MAD1L1: variants seen among roughly 807,000 people sequenced by gnomAD.
The protein encoded by MAD1L1 is mitotic arrest deficient 1 like 1, also known as mitotic spindle assembly checkpoint protein MAD1.
Under a neutral mutation model 96.9 loss-of-function variants are expected in MAD1L1, and 95 were observed. The ratio of observed to expected loss-of-function variants is 0.98; its 90% CI spans 0.83 to 1.16. MAD1L1 has a LOEUF of 1.16. Among genes scored for constraint, MAD1L1 ranks in the 50% most tolerant of loss-of-function variants. The probability of loss-of-function intolerance (pLI) is 0.00; values close to 1 mark genes in which losing one functional copy is unlikely to be tolerated. For synonymous variants in MAD1L1, 473 were observed against 396.6 expected (o/e 1.19, Z -2.29); for missense variants, 1,007 against 954.4 (o/e 1.06, Z -0.73).
chr7:2,042,896 TC>T, intron 12 of MAD1L1, among the ~76,000 whole-genome samples: 1 of 146,014 alleles, frequency 6.8e-6, no homozygotes, highest in South Asian at 2.1e-4. Context: ...CACGTCCACG[TC>T]CACGTCCACA....
At chr7:2,038,462 C>T (rs921261016) in intron 12 of MAD1L1, among the ~76,000 whole-genome samples, 2 of 143,422 alleles carry the variant, frequency 1.4e-5, no homozygotes, top group Non-Finnish European at 3.0e-5. Context: ...TTTCAGAGGA[C>T]AAGCTGATGC....
At chr7:2,081,435 G>A (rs150632518) in intron 11 of MAD1L1, among the ~76,000 whole-genome samples, 18 of 152,346 alleles carry the variant, frequency 1.2e-4, no homozygotes, top group Admixed American at 9.8e-4. Flanking sequence ...GCCATCGTGC[G>A]ACCCGGGAAA....
At chr7:1,941,248 A>G (rs1023019238) in intron 16 of MAD1L1, among the ~76,000 whole-genome samples, 1 of 152,084 alleles carries the variant, frequency 6.6e-6, no homozygotes, top group Non-Finnish European at 1.5e-5. Context: ...GCAACGTTCA[A>G]CGTTCCACGG....
chr7:1,826,929 C>T (rs549076877), intron 18 of MAD1L1, among the ~76,000 whole-genome samples: 202 of 152,234 alleles, frequency 1.3e-3, no homozygotes, highest in African/African-American at 4.3e-3. Context: ...GGCCAGGCAC[C>T]CCAGCAGTCG....
Position 2,223,808 on chromosome 7 carries a change from G to A in MAD1L1, c.292-1054C>T, listed in dbSNP as rs113109069. Among the ~76,000 whole-genome samples, 8 of 152,032 alleles carry A rather than the reference G, an allele frequency of 5.3e-5. 1 individual carries two copies. The highest frequency in any genetic ancestry group is 1.9e-4 in the African/African-American group (8 of 41,402). On this transcript the variant is annotated intron_variant, in intron 4 of 18. Coordinates refer to ENST00000265854, the MANE Select transcript of MAD1L1 (RefSeq NM_001013836.2). ...TGCCAGTCCCAGCGCAGACAGGGCA[G>A]CCAGCAGGTCTTTGGACTTCAGACA...
chr7:1,881,262 G>A (rs1189666277), intron 18 of MAD1L1, among the ~76,000 whole-genome samples: 1 of 152,060 alleles, frequency 6.6e-6, no homozygotes, highest in East Asian at 1.9e-4. Context: ...ACCCATTTAT[G>A]CCTAGTGTTC....
intron 12 of MAD1L1, among the ~76,000 whole-genome samples, chr7:2,047,874 C>T (rs1482712727): frequency 3.9e-5 from 6 of 152,120 alleles, no homozygotes; most frequent in Non-Finnish European, 7.4e-5. Flanking sequence ...CACGTGCACA[C>T]AGCTCACCAG....
At chr7:1,916,364 G>A (rs150906281) in intron 17 of MAD1L1, among the ~76,000 whole-genome samples, 2,245 of 152,300 alleles carry the variant, frequency 0.015, 51 homozygotes, top group African/African-American at 0.051. Flanking sequence ...CCACCCAGAC[G>A]TCCCTCAGCT....
intron 18 of MAD1L1, among the ~76,000 whole-genome samples, chr7:1,836,059 C>A (rs1183042897): frequency 6.6e-6 from 1 of 152,116 alleles, no homozygotes; most frequent in Non-Finnish European, 1.5e-5. Context: ...TCTCACTCTG[C>A]CGCCCAGGCT....
intron 17 of MAD1L1, among the ~76,000 whole-genome samples, chr7:1,920,234 G>A (rs990201584): frequency 2.6e-5 from 4 of 152,152 alleles, no homozygotes; most frequent in East Asian, 1.9e-4. Flanking sequence ...AAGCATCTCC[G>A]TGTGCGTGCG....
At chr7:1,885,805 T>C (rs575880684) in intron 18 of MAD1L1, among the ~76,000 whole-genome samples, 2 of 152,102 alleles carry the variant, frequency 1.3e-5, no homozygotes, top group Non-Finnish European at 1.5e-5. Context: ...GTCCTGTCTC[T>C]CTCCCTCCAG....
intron 12 of MAD1L1, among the ~76,000 whole-genome samples, chr7:2,061,346 T>A (rs186108160): frequency 6.8e-6 from 1 of 146,988 alleles, no homozygotes; most frequent in East Asian, 2.0e-4. Context: ...CAAAAAATAA[T>A]AATAAAATTA....
chr7:1,982,501 G>A (rs942647194), intron 14 of MAD1L1, among the ~76,000 whole-genome samples: 1 of 152,226 alleles, frequency 6.6e-6, no homozygotes, highest in African/African-American at 2.4e-5. Context: ...GAGCCGCCGC[G>A]CCCAGCCTTT....
At chr7:2,179,864 G>A (rs1463331018) in intron 10 of MAD1L1, among the ~76,000 whole-genome samples, 4 of 151,532 alleles carry the variant, frequency 2.6e-5, no homozygotes, top group East Asian at 2.0e-4. Context: ...CCAGCTACTC[G>A]GGAGGCTGAG....
At chr7:2,052,561 C>A (rs1211545821) in intron 12 of MAD1L1, among the ~76,000 whole-genome samples, 1 of 152,134 alleles carries the variant, frequency 6.6e-6, no homozygotes, top group Non-Finnish European at 1.5e-5. Flanking sequence ...TCCCTGGGGC[C>A]TAGGTATACA....
At chr7:1,957,992 A>C (rs1779800694) in intron 15 of MAD1L1, among the ~76,000 whole-genome samples, 2 of 152,202 alleles carry the variant, frequency 1.3e-5, no homozygotes, top group Non-Finnish European at 2.9e-5. Context: ...CTTGGCTGGA[A>C]GCACAGAGGG....
At chr7:2,205,951 T>C (rs560720353) in intron 10 of MAD1L1, among the ~76,000 whole-genome samples, 1 of 152,206 alleles carries the variant, frequency 6.6e-6, no homozygotes, top group East Asian at 1.9e-4. Flanking sequence ...CTGGCCAACA[T>C]GGTGAAACCT....
chr7:2,164,036 C>T (rs1314869309), intron 10 of MAD1L1, among the ~76,000 whole-genome samples: 2 of 152,128 alleles, frequency 1.3e-5, no homozygotes, highest in African/African-American at 4.8e-5. Flanking sequence ...CAAACCTCAA[C>T]CCCCCACCTC....
intron 10 of MAD1L1, among the ~76,000 whole-genome samples, chr7:2,152,015 G>A (rs760187168): frequency 1.4e-5 from 2 of 140,522 alleles, no homozygotes; most frequent in African/African-American, 2.8e-5. Flanking sequence ...GCAGGAGGCT[G>A]CTTCCGGGTG....
Sources: gnomAD v4.1 joint callset for allele counts (sites outside exome capture counted in the v4.1 genomes callset) on GRCh38, gnomAD v4.1.1 for gene constraint, MANE v1.5 for transcripts, NCBI Gene and HGNC (gene_info 2026-07-23, HGNC 2026-07-21) for gene names.